INO80: variants seen among roughly 807,000 people sequenced by gnomAD.
The protein encoded by INO80 is chromatin-remodeling ATPase INO80.
INO80 carries 20 observed loss-of-function variants against 203.4 expected under a neutral mutation model. The observed-to-expected ratio is 0.10, with a 90% CI of 0.07 to 0.14. The LOEUF is 0.14. Ranked by LOEUF, INO80 falls within the 10% of genes least tolerant of loss-of-function variation. INO80 has a pLI of 1.00. For synonymous variants in INO80, 726 were observed against 685.2 expected (o/e 1.06, Z -0.93); for missense variants, 1,419 against 1,914.4 (o/e 0.74, Z 4.83).
chr15:41,088,013 AC>A (rs1172763868), intron 5 of INO80, among the ~76,000 whole-genome samples: 2 of 151,832 alleles, frequency 1.3e-5, no homozygotes, highest in East Asian at 3.9e-4. Context: ...TTGGAAATTC[AC>A]CACCAAGAAA....
At chr15:41,084,197 T>TAAAA (rs781522112) in intron 7 of INO80, among the ~76,000 whole-genome samples, 1 of 131,980 alleles carries the variant, frequency 7.6e-6, no homozygotes. Flanking sequence ...GCAACTTCTT[T>TAAAA]AAAAAAAAAA....
intron 7 of INO80, among the ~76,000 whole-genome samples, chr15:41,083,015 G>T (rs1343630553): frequency 2.6e-5 from 4 of 151,960 alleles, no homozygotes; most frequent in South Asian, 4.2e-4. Context: ...GGGTGCAGTG[G>T]CTCACGTCTG....
In INO80 at chr15:41,049,261, G is replaced by T. The variant is rs201146211; in HGVS notation, c.2576+26C>A. On this transcript the variant is annotated intron_variant, in intron 21 of 35. Transcript: ENST00000648947. Reference sequence around the variant, plus strand: ...AACTGTAAATTATAAAACACTAATAGTGAACAGATAGTAATACTTCCCTAC... The same window carrying T: ...AACTGTAAATTATAAAACACTAATATTGAACAGATAGTAATACTTCCCTAC... 5.7e-6 allele frequency: 9 copies of T among 1,590,922 alleles called. No individual in the cohort carries two copies. In the African/African-American group the frequency reaches 9.4e-5, roughly 17 times the overall value.
chr15:41,031,789 G>C (rs1028236797), intron 24 of INO80, among the ~76,000 whole-genome samples: 2 of 151,954 alleles, frequency 1.3e-5, no homozygotes, highest in Non-Finnish European at 2.9e-5. Flanking sequence ...CTTGCCGCCA[G>C]GACTATAATA....
At chr15:41,048,492 T>A (rs1433223509) in intron 21 of INO80, among the ~76,000 whole-genome samples, 1 of 152,248 alleles carries the variant, frequency 6.6e-6, no homozygotes, top group East Asian at 1.9e-4. Context: ...AAATTAAAAG[T>A]AGTCTCATTT....
chr15:40,985,311 CT>C, intron 32 of INO80, 26 bp downstream of exon 32: 1 of 1,566,318 alleles, frequency 6.4e-7, no homozygotes, highest in South Asian at 1.1e-5. Flanking sequence ...CCATTAGCCC[CT>C]ATCCACCATT....
chr15:41,113,531 G>A (rs1005374819), intron 1 of INO80, among the ~76,000 whole-genome samples: 6 of 152,324 alleles, frequency 3.9e-5, no homozygotes, highest in Non-Finnish European at 7.4e-5. Context: ...GTCTCCCAAA[G>A]TGCAGGGATT....
chr15:41,110,093 CA>C (rs544086962), intron 1 of INO80, among the ~76,000 whole-genome samples: 156 of 125,850 alleles, frequency 1.2e-3, no homozygotes, highest in South Asian at 1.8e-3. Context: ...AACTCCGTCT[CA>C]AAAAAAAAAA....
chr15:41,024,561 C>A (rs1002652348), intron 25 of INO80: 5 of 152,220 alleles, frequency 3.3e-5, no homozygotes, highest in Non-Finnish European at 5.9e-5. Flanking sequence ...AAGCGTTCAG[C>A]GCGTCCTTCC....
chr15:41,031,957 GCACA>G (rs2044484027), intron 24 of INO80, among the ~76,000 whole-genome samples: 18 of 83,320 alleles, frequency 2.2e-4, no homozygotes, highest in African/African-American at 2.7e-4. Flanking sequence ...GCACAGCACA[GCACA>G]GGACAGCACA....
At chr15:40,992,762 CTTCAGAATTCAGAAATCAGAGTA>C (rs2043832559) in intron 29 of INO80, among the ~76,000 whole-genome samples, 1 of 152,186 alleles carries the variant, frequency 6.6e-6, no homozygotes, top group Non-Finnish European at 1.5e-5. Context: ...ATGTAAATTA[CTTCAGAATTCAGAAATCAGAGTA>C]TTCAGAGCCT....
intron 19 of INO80, among the ~76,000 whole-genome samples, chr15:41,051,964 A>T (rs1269980373): frequency 1.3e-5 from 2 of 151,982 alleles, no homozygotes; most frequent in Non-Finnish European, 2.9e-5. Context: ...TCTCAAAAAA[A>T]TAAAAAATAA....
intron 19 of INO80, among the ~76,000 whole-genome samples, chr15:41,052,505 T>A (rs1490574559): frequency 6.6e-6 from 1 of 150,970 alleles, no homozygotes; most frequent in Non-Finnish European, 1.5e-5. Context: ...AGATCCTGTC[T>A]CTAGAAAAAA....
Position 40,983,853 on chromosome 15 carries a change from G to A in INO80, c.4146C>T (p.Val1382=). ...PLDESSSDML[V]IVDDPASSAP... ...CTGAGGAGGCTGGGTCATCCACAAT[G>A]ACCAGCATGTCACTGCTGCTCTCGT... The change falls in exon 34 of 36, where the codon GTC becomes GTT. Residue 1382 remains valine, a synonymous_variant. Transcript: ENST00000648947. 2 of 1,613,222 alleles carry A rather than the reference G, an allele frequency of 1.2e-6. No homozygotes were observed. Among genetic ancestry groups the A allele is most frequent in the Non-Finnish European group, 1.7e-6 (2 of 1,179,838 alleles).
chr15:41,085,707 T>C (rs1321020949), intron 6 of INO80, 124 bp from the exon 7 acceptor site: 2 of 680,514 alleles, frequency 2.9e-6, no homozygotes, highest in Non-Finnish European at 5.0e-6. Context: ...CATATCCCTT[T>C]ATCTACTCAG....
chr15:40,982,807 T>C (rs1206996651), intron 35 of INO80, 55 bp downstream of exon 35: 2 of 1,432,394 alleles, frequency 1.4e-6, no homozygotes, highest in Non-Finnish European at 1.9e-6. Flanking sequence ...ACTGACAGAA[T>C]TTCTAGACTG....
intron 14 of INO80, among the ~76,000 whole-genome samples, chr15:41,063,658 C>CA (rs1215141267): frequency 2.6e-5 from 4 of 151,990 alleles, no homozygotes; most frequent in African/African-American, 9.7e-5. Flanking sequence ...CCTGTAATCC[C>CA]AGCTACTAGG....
chr15:41,097,356 A>T (rs553550114), intron 1 of INO80, among the ~76,000 whole-genome samples: 71 of 152,202 alleles, frequency 4.7e-4, no homozygotes, highest in Middle Eastern at 3.4e-3. Flanking sequence ...TTCTCCCACC[A>T]CTTTCAAACA....
chr15:41,095,909 G>C lies in INO80; in HGVS notation c.163C>G (p.Leu55Val). 1 of 1,613,774 alleles carries C rather than the reference G, an allele frequency of 6.2e-7. No homozygotes were observed. The highest frequency in any genetic ancestry group is 2.2e-5 in the East Asian group (1 of 44,866). The part of the protein sequence containing the change: ...NISSDDSEDG[L>V]DDSNPLLPQS... ...GGCAATAATGGATTACTGTCATCCA[G>C]TCCATCTTCACTGTCATCACTATAA... The change falls in exon 3 of 36, where the codon CTG (leucine) becomes GTG (valine). Residue 55 changes from leucine (L) to valine (V), a missense_variant. Around this residue, in one of 9 missense-constraint regions of INO80, gnomAD observed 323 missense variants for 325.4 expected, o/e 0.99. Transcript: ENST00000648947.
Sources: allele counts gnomAD v4.1 joint callset (sites outside exome capture counted in the v4.1 genomes callset), GRCh38; gene constraint gnomAD v4.1.1; regional missense constraint gnomAD v4.1.1; transcripts MANE v1.5; gene names NCBI Gene and HGNC (gene_info 2026-07-23, HGNC 2026-07-21).